PLD5: variants seen among roughly 807,000 people sequenced by gnomAD.
PLD5 encodes phospholipase D family member 5, also known as inactive phospholipase D5.
In PLD5, 36 loss-of-function variants were observed where a neutral mutation model predicts 61.1. That is an observed-to-expected ratio of 0.59 (90% confidence interval 0.45 to 0.78). The LOEUF is 0.78. PLD5 is among the 30% of genes least tolerant of loss of function. The pLI is 0.00. For synonymous variants in PLD5, 243 were observed against 242.8 expected (o/e 1.00, Z -0.01); for missense variants, 515 against 644.4 (o/e 0.80, Z 2.17).
chr1:242,170,421 C>A (rs1210246993), intron 5 of PLD5, among the ~76,000 whole-genome samples: 1 of 152,106 alleles, frequency 6.6e-6, no homozygotes, highest in Admixed American at 6.6e-5. Flanking sequence ...CAACAAAAAC[C>A]AAAGGTAGAT....
At chr1:242,345,353 C>A (rs1660070858) in intron 2 of PLD5, among the ~76,000 whole-genome samples, 1 of 152,168 alleles carries the variant, frequency 6.6e-6, no homozygotes, top group African/African-American at 2.4e-5. Context: ...TGGTTGTTAA[C>A]TGCGTTAGGC....
At chr1:242,458,383 T>C (rs1409933068) in intron 1 of PLD5, among the ~76,000 whole-genome samples, 1 of 152,258 alleles carries the variant, frequency 6.6e-6, no homozygotes, top group Non-Finnish European at 1.5e-5. Context: ...TCTATAATAT[T>C]ACTTATCAAA....
chr1:242,106,859 G>GGT (rs1250453100), intron 8 of PLD5, among the ~76,000 whole-genome samples: 2 of 152,150 alleles, frequency 1.3e-5, no homozygotes, highest in African/African-American at 4.8e-5. Flanking sequence ...TTATGAGGTG[G>GGT]GTAAACATGG....
intron 1 of PLD5, among the ~76,000 whole-genome samples, chr1:242,470,897 C>T (rs1384498883): frequency 6.6e-6 from 1 of 152,224 alleles, no homozygotes; most frequent in Non-Finnish European, 1.5e-5. Context: ...AGCGCTAATG[C>T]GGGACTCAGG....
chr1:242,227,844 C>T (rs1240499475), intron 4 of PLD5, among the ~76,000 whole-genome samples: 8 of 152,168 alleles, frequency 5.3e-5, no homozygotes, highest in Non-Finnish European at 1.2e-4. Flanking sequence ...TTCCCAGACT[C>T]ATATTTTGAT....
intron 5 of PLD5, among the ~76,000 whole-genome samples, chr1:242,205,521 A>T (rs557105288): frequency 2.0e-5 from 3 of 150,748 alleles, no homozygotes; most frequent in Middle Eastern, 6.9e-3. Flanking sequence ...TGACCTTTCT[A>T]AACAGCCCAG....
intron 2 of PLD5, 49 bp from the exon 3 acceptor site, chr1:242,288,579 A>C: frequency 6.4e-7 from 1 of 1,569,012 alleles, no homozygotes; most frequent in Non-Finnish European, 8.6e-7. Context: ...GTCAAATTTG[A>C]AGCCACAGAT....
intron 9 of PLD5, among the ~76,000 whole-genome samples, chr1:242,091,606 A>C (rs1659828290): frequency 6.6e-6 from 1 of 152,200 alleles, no homozygotes; most frequent in South Asian, 2.1e-4. Context: ...ATGTACTTTC[A>C]CACTAGAATG....
intron 1 of PLD5, among the ~76,000 whole-genome samples, chr1:242,452,915 CA>C (rs1172052743): frequency 1.3e-5 from 2 of 151,900 alleles, no homozygotes; most frequent in African/African-American, 4.8e-5. Flanking sequence ...CCAGGTACAA[CA>C]GTGAAAAGTC....
At position 242,095,564 on chromosome 1, in the gene PLD5, T is replaced by A. The variant is rs191437776; in HGVS notation, c.1354+5104A>T. On this transcript the variant is annotated intron_variant, in intron 9 of 9. Coordinates refer to ENST00000536534, the MANE Select transcript of PLD5 (RefSeq NM_001372062.1). ...TTTAATTCATCAAAAGTACATTTTT[T>A]AAAAATTCCTGGTTTCAGGTATTTA... is the stretch of plus-strand genomic sequence containing the variant. Among the ~76,000 whole-genome samples, 851 of 152,324 alleles carry A rather than the reference T, an allele frequency of 5.6e-3. 10 individuals are homozygous for A. Among genetic ancestry groups the A allele is most frequent in the African/African-American group, 0.019 (800 of 41,572 alleles).
intron 1 of PLD5, among the ~76,000 whole-genome samples, chr1:242,407,561 GTT>G (rs58679212): frequency 1.0e-3 from 135 of 130,314 alleles, no homozygotes; most frequent in African/African-American, 3.4e-3. Flanking sequence ...TGGTTGTTTT[GTT>G]TTTTTTTTTT....
chr1:242,235,297 TA>T (rs1381492521), intron 4 of PLD5, among the ~76,000 whole-genome samples: 1 of 152,192 alleles, frequency 6.6e-6, no homozygotes, highest in Non-Finnish European at 1.5e-5. Context: ...ATTCCCTTCA[TA>T]AGTCACCAAG....
chr1:242,190,087 C>T (rs1668153080), intron 5 of PLD5, among the ~76,000 whole-genome samples: 1 of 147,210 alleles, frequency 6.8e-6, no homozygotes, highest in Non-Finnish European at 1.5e-5. Context: ...AGGACCTTCA[C>T]TAAGGTCCTT....
At chr1:242,486,691 C>T (rs1183596612) in intron 1 of PLD5, among the ~76,000 whole-genome samples, 2 of 152,076 alleles carry the variant, frequency 1.3e-5, no homozygotes, top group African/African-American at 4.8e-5. Flanking sequence ...TACCATTTGA[C>T]CCAGCCATCC....
At chr1:242,388,412 T>C (rs1237633551) in intron 1 of PLD5, among the ~76,000 whole-genome samples, 1 of 152,144 alleles carries the variant, frequency 6.6e-6, no homozygotes, top group African/African-American at 2.4e-5. Flanking sequence ...TCATTTCCAT[T>C]AGGTAACTAC....
At chr1:242,095,005 C>A (rs1253867882) in intron 9 of PLD5, among the ~76,000 whole-genome samples, 1 of 152,082 alleles carries the variant, frequency 6.6e-6, no homozygotes, top group Non-Finnish European at 1.5e-5. Context: ...GTGGCAATCT[C>A]GGCTCACTGC....
chr1:242,181,019 C>CA (rs552857399), intron 5 of PLD5, among the ~76,000 whole-genome samples: 47 of 151,944 alleles, frequency 3.1e-4, no homozygotes, highest in African/African-American at 8.4e-4. Flanking sequence ...CAAAAAAACA[C>CA]AAAAAACCCC....
chr1:242,395,051 GAATA>G (rs1663467594), intron 1 of PLD5, among the ~76,000 whole-genome samples: 1 of 102,184 alleles, frequency 9.8e-6, no homozygotes, highest in African/African-American at 4.3e-5. Flanking sequence ...ATGTATATAT[GAATA>G]TATATGTATA....
At chr1:242,269,368 G>T (rs1055072750) in intron 3 of PLD5, among the ~76,000 whole-genome samples, 5 of 151,818 alleles carry the variant, frequency 3.3e-5, no homozygotes, top group Admixed American at 6.6e-5. Flanking sequence ...TATGCAGGAA[G>T]CTGTACCCCC....
Sources: allele counts gnomAD v4.1 joint callset (sites outside exome capture counted in the v4.1 genomes callset), GRCh38; gene constraint gnomAD v4.1.1; transcripts MANE v1.5; gene names NCBI Gene and HGNC (gene_info 2026-07-23, HGNC 2026-07-21).